The following MIA2 variants were observed in gnomAD, a reference collection of about 807,000 sequenced individuals.
MIA2 encodes melanoma inhibitory activity protein 2.
MIA2 carries 127 observed loss-of-function variants against 167.8 expected under a neutral mutation model. The observed-to-expected ratio is 0.76, with a 90% CI of 0.66 to 0.88. The LOEUF (loss-of-function observed/expected upper bound fraction) is 0.88. Among genes scored for constraint, MIA2 ranks in the 40% least tolerant of loss-of-function variants. The pLI, the probability that MIA2 is intolerant of heterozygous loss-of-function variation, is 0.00. For missense variants in MIA2, 1,690 were observed against 1,624.7 expected, an observed-to-expected ratio of 1.04 and a Z score of -0.69; for synonymous variants, 552 against 541.9, an observed-to-expected ratio of 1.02 and a Z score of -0.26.
intron 9 of MIA2, 41 bp downstream of exon 9, chr14:39,279,578 G>T (rs2058638718): frequency 1.5e-6 from 2 of 1,346,752 alleles, no homozygotes; most frequent in South Asian, 2.5e-5. Flanking sequence ...TAGAGTCAGA[G>T]AACTTTATAC....
intron 15 of MIA2, among the ~76,000 whole-genome samples, chr14:39,302,473 C>T (rs776530127): frequency 3.9e-5 from 6 of 152,154 alleles, no homozygotes; most frequent in Non-Finnish European, 7.4e-5. Context: ...CACTTACAGC[C>T]TCCTCCCTTT....
downstream of MIA2, chr14:39,350,919 A>T (rs1444168824): frequency 6.6e-6 from 1 of 151,948 alleles, no homozygotes; most frequent in African/African-American, 2.4e-5. Context: ...TAGAATTTTG[A>T]TCTTCTTATT....
intron 6 of MIA2, among the ~76,000 whole-genome samples, chr14:39,268,050 C>T (rs1485095318): frequency 6.6e-6 from 1 of 150,916 alleles, no homozygotes; most frequent in African/African-American, 2.4e-5. Flanking sequence ...TTGTTCTTCG[C>T]TTCTGTCTTG....
At chr14:39,299,135 AT>A (rs2061982561) in intron 13 of MIA2, among the ~76,000 whole-genome samples, 1 of 142,544 alleles carries the variant, frequency 7.0e-6, no homozygotes, top group Admixed American at 7.1e-5. Flanking sequence ...TTTAAATGTC[AT>A]TTGTGTTATA....
At chr14:39,351,393 AAAAAC>A (rs1250969579), downstream of MIA2, 1 of 150,480 alleles carries the variant, frequency 6.6e-6, no homozygotes, top group Non-Finnish European at 1.5e-5. Context: ...AAAAAAAACA[AAAAAC>A]AAAAAACTAA....
At position 39,359,975 on chromosome 14, in the gene MIA2, C is replaced by T. The variant is rs575428178; in HGVS notation, c.2248+10998C>T. Among the ~76,000 whole-genome samples, 22 of 149,372 alleles carry T rather than the reference C, an allele frequency of 1.5e-4. No homozygotes were observed. In the South Asian group the frequency reaches 2.1e-3, roughly 14 times the overall value. ...CAGTGTATAAAAGTTCCTGTTTCTC[C>T]GGATCCTCTGCAGCATGTTTTTTTT... On this transcript the variant is annotated intron_variant, in intron 23 of 23. Coordinates refer to the MIA2 transcript ENST00000341502.
At position 39,294,914 on chromosome 14, in the gene MIA2, G is replaced by T. The variant is rs749773583; in HGVS notation, c.2392-11G>T. 3.2e-6 allele frequency: 5 copies of T among 1,571,192 alleles called. No individual in the cohort carries two copies. In the Admixed American group the frequency reaches 5.3e-5, roughly 17 times the overall value. ...AATTGTTACAAACTTGACATTTTTTGTTTCACTTAGGCCAAAATGACCTTC... is the reference window on the plus strand; with the variant it reads ...AATTGTTACAAACTTGACATTTTTTTTTTCACTTAGGCCAAAATGACCTTC... On this transcript the variant is annotated splice_polypyrimidine_tract_variant and intron_variant, in intron 12 of 28. Transcript: ENST00000640607.
intron 25 of MIA2, among the ~76,000 whole-genome samples, chr14:39,333,940 G>C (rs930886187): frequency 8.5e-5 from 13 of 152,114 alleles, no homozygotes; most frequent in Non-Finnish European, 1.3e-4. Context: ...TTGACAGAGG[G>C]CCAACCTGTG....
chr14:39,365,412 C>T (rs1254041651), intron 23 of MIA2, among the ~76,000 whole-genome samples: 2 of 152,132 alleles, frequency 1.3e-5, no homozygotes, highest in African/African-American at 2.4e-5. Context: ...CTGGAATACC[C>T]AGAATTCAAA....
At chr14:39,318,335 A>G (rs1200833128) in intron 22 of MIA2, among the ~76,000 whole-genome samples, 1 of 152,172 alleles carries the variant, frequency 6.6e-6, no homozygotes, top group Non-Finnish European at 1.5e-5. Context: ...TAATGCCCAG[A>G]ATATCAGCCT....
At chr14:39,338,312 A>G (rs1435269052) in intron 25 of MIA2, among the ~76,000 whole-genome samples, 2 of 152,240 alleles carry the variant, frequency 1.3e-5, no homozygotes, top group Non-Finnish European at 2.9e-5. Flanking sequence ...AAGGGTGTGC[A>G]GGATCTCTCT....
chr14:39,244,810 C>G (rs1156424149), intron 3 of MIA2, among the ~76,000 whole-genome samples: 1 of 151,490 alleles, frequency 6.6e-6, no homozygotes, highest in Non-Finnish European at 1.5e-5. Context: ...ACAGGTCTCA[C>G]TCTGTCACCA....
chr14:39,290,744 A>G (rs889491671), intron 9 of MIA2, among the ~76,000 whole-genome samples: 1 of 152,218 alleles, frequency 6.6e-6, no homozygotes, highest in Non-Finnish European at 1.5e-5. Flanking sequence ...AAAGATGCTA[A>G]TATGAGTTAT....
intron 6 of MIA2, among the ~76,000 whole-genome samples, chr14:39,264,409 G>C (rs538452842): frequency 1.3e-5 from 2 of 152,322 alleles, no homozygotes; most frequent in African/African-American, 4.8e-5. Flanking sequence ...ATGAACATGA[G>C]AGTGCACGTG....
At position 39,285,418 on chromosome 14, in the gene MIA2, GC is replaced by G. The variant is rs1360112865; in HGVS notation, c.2131-5600del. Among the ~76,000 whole-genome samples, 40 of 148,870 alleles carry G rather than the reference GC, an allele frequency of 2.7e-4. 1 individual carries two copies. The highest frequency in any genetic ancestry group is 9.9e-4 in the Admixed American group (15 of 15,084). On this transcript the variant is annotated intron_variant, in intron 9 of 28. Coordinates refer to ENST00000640607, the MANE Select transcript of MIA2 (RefSeq NM_001329214.4). ...CCTCCCGGAAGGGGCGGCTGGCCGG[GC>G]GGGGGCTGACCCCCCCACCTTCCTC...
intron 3 of MIA2, among the ~76,000 whole-genome samples, chr14:39,245,819 G>A (rs1286744844): frequency 6.6e-6 from 1 of 152,092 alleles, no homozygotes; most frequent in East Asian, 1.9e-4. Flanking sequence ...CTGCCCTTAT[G>A]GACTGATCAC....
chr14:39,250,245 A>G (rs889649928), intron 4 of MIA2, among the ~76,000 whole-genome samples: 1 of 152,238 alleles, frequency 6.6e-6, no homozygotes, highest in African/African-American at 2.4e-5. Flanking sequence ...CAAGGAATAC[A>G]AAAGGATTTC....
chr14:39,255,094 C>T (rs1000836544), intron 6 of MIA2, among the ~76,000 whole-genome samples: 17 of 152,104 alleles, frequency 1.1e-4, no homozygotes, highest in Non-Finnish European at 2.2e-4. Flanking sequence ...CTCTTCCTCA[C>T]TTAATTTTTT....
intron 24 of MIA2, among the ~76,000 whole-genome samples, chr14:39,321,836 C>T (rs1482985600): frequency 1.3e-5 from 2 of 150,566 alleles, no homozygotes; most frequent in Non-Finnish European, 2.9e-5. Flanking sequence ...TCTCGGCTCA[C>T]TGCAACCTCT....
Sources: gnomAD v4.1 joint callset for allele counts (sites outside exome capture counted in the v4.1 genomes callset) on GRCh38, gnomAD v4.1.1 for gene constraint, MANE v1.5 for transcripts, NCBI Gene and HGNC (gene_info 2026-07-23, HGNC 2026-07-21) for gene names.